BATF2: variants seen among roughly 807,000 people sequenced by gnomAD.
The protein encoded by BATF2 is basic leucine zipper transcriptional factor ATF-like 2.
Under a neutral mutation model 7.3 loss-of-function variants are expected in BATF2, and 4 were observed. The ratio of observed to expected loss-of-function variants is 0.55; its 90% CI spans 0.27 to 1.26. The LOEUF (loss-of-function observed/expected upper bound fraction) is 1.26, where lower values mean the gene tolerates loss of function less well. Among genes scored for constraint, BATF2 ranks in the 50% most tolerant of loss-of-function variants. The pLI is 0.11. For synonymous variants in BATF2, 152 were observed against 153.9 expected (o/e 0.99, Z 0.09); for missense variants, 295 against 340.5 (o/e 0.87, Z 1.05).
At chr11:64,993,014 G>T (rs1477575420) in intron 2 of BATF2, among the ~76,000 whole-genome samples, 1 of 151,614 alleles carries the variant, frequency 6.6e-6, no homozygotes, top group African/African-American at 2.4e-5. Context: ...TAAAGAATAT[G>T]AAGAAATAAA....
chr11:64,993,958 GCTAA>G (rs1306503695), intron 2 of BATF2, among the ~76,000 whole-genome samples: 1 of 152,106 alleles, frequency 6.6e-6, no homozygotes, highest in African/African-American at 2.4e-5. Flanking sequence ...ATCACGCCCA[GCTAA>G]CTATTTTTTA....
rs142322447 is a variant in BATF2 at position 64,988,710 on chromosome 11, C to G, written c.*419G>C. On this transcript the variant is annotated 3_prime_UTR_variant, in exon 3 of 3. Coordinates refer to ENST00000301887, the MANE Select transcript of BATF2 (RefSeq NM_138456.4). Reference sequence around the variant, plus strand: ...TCACGAAGCAGTGGGGAGAGCCCTTCTCTGCTCTGAGCATGCAAACCTTCT... The same window carrying G: ...TCACGAAGCAGTGGGGAGAGCCCTTGTCTGCTCTGAGCATGCAAACCTTCT... 5.1e-4 allele frequency: 112 copies of G among 218,940 alleles called. No homozygotes were observed. Among genetic ancestry groups the G allele is most frequent in the African/African-American group, 2.5e-3 (108 of 43,152 alleles). The allele number at this position is 218,940 out of a possible 1,614,324, so 13.6% of individuals were successfully genotyped here. A position where few individuals can be genotyped will look rare whatever the true frequency, so the allele number is the denominator to read the frequency against.
chr11:64,989,548 G>T lies in BATF2; in HGVS notation c.406C>A (p.Leu136Ile), dbSNP rs1405285571. 6.3e-7 allele frequency: 1 copy of T among 1,588,924 alleles called. No homozygotes were observed. Among genetic ancestry groups the T allele is most frequent in the Non-Finnish European group, 8.6e-7 (1 of 1,168,024 alleles). Reference sequence around the variant, plus strand: ...TCATGAGGCTGTGGACCTGGAGAGAGCGGCTGAGCTGGGTAACAGGAACCC... The same window carrying T: ...TCATGAGGCTGTGGACCTGGAGAGATCGGCTGAGCTGGGTAACAGGAACCC... Reference protein sequence around the residue: ...TPGSCYPAQPLSPGPQPHDSP... With the variant: ...TPGSCYPAQPISPGPQPHDSP... Residue 136 changes from leucine (L) to isoleucine (I), a missense_variant, in exon 3 of 3, where the codon CTC becomes ATC. Leu to Ile is a conservative substitution (Grantham distance 5, BLOSUM62 2). Coordinates refer to ENST00000301887, the MANE Select transcript of BATF2 (RefSeq NM_138456.4). This position sits in a 1 kb window ranked among gnomAD's most constrained non-coding sequence, Gnocchi z 4.3.
intron 1 of BATF2, among the ~76,000 whole-genome samples, chr11:64,996,355 C>T (rs986690145): frequency 1.3e-5 from 2 of 152,206 alleles, no homozygotes; most frequent in African/African-American, 4.8e-5. Flanking sequence ...CTCCCGGGTT[C>T]AAGCAACTTT....
rs1471798415 is a variant in BATF2, at chr11:64,991,878, A to G, written c.142-2066T>C. ...CGTGGGTCTCCTAGGCACCATTCTGAGTACCAGTCCTCACTCTCACCTGGT... is the reference window on the plus strand; with the variant it reads ...CGTGGGTCTCCTAGGCACCATTCTGGGTACCAGTCCTCACTCTCACCTGGT... On this transcript the variant is annotated intron_variant, in intron 2 of 2. Coordinates refer to ENST00000301887, the MANE Select transcript of BATF2 (RefSeq NM_138456.4). Among the ~76,000 whole-genome samples the G allele has an allele frequency of 2.6e-5, 4 of 152,204 alleles. No homozygotes were observed. The East Asian group carries it at 7.7e-4, about 29-fold the overall frequency.
At chr11:64,991,959 C>A (rs750823817) in intron 2 of BATF2, among the ~76,000 whole-genome samples, 3 of 152,296 alleles carry the variant, frequency 2.0e-5, no homozygotes, top group Admixed American at 6.5e-5. Context: ...GTCCGCAATG[C>A]GTTTTCTTAC....
In BATF2 at chr11:64,989,710, G is replaced by A. The variant is rs139375059; in HGVS notation, c.244C>T (p.Arg82Cys). 198 of 1,613,836 alleles carry A rather than the reference G, an allele frequency of 1.2e-4. No individual in the cohort carries two copies. The highest frequency in any genetic ancestry group is 5.6e-4 in the South Asian group (51 of 91,092). ...WWSRTLHVHE[R>C]LCPMDCASCS... Reference sequence around the variant, plus strand: ...GAGGCACAATCCATGGGGCACAGGCGCTCATGCACGTGCAGGGTCCGGCTC... The same window carrying A: ...GAGGCACAATCCATGGGGCACAGGCACTCATGCACGTGCAGGGTCCGGCTC... Residue 82 changes from arginine to cysteine, a missense_variant, in exon 3 of 3, where the codon CGC (arginine) becomes TGC (cysteine). Arg to Cys is a radical substitution (Grantham distance 180, BLOSUM62 -3). Coordinates refer to ENST00000301887, the MANE Select transcript of BATF2 (RefSeq NM_138456.4). This position sits in a 1 kb window ranked among gnomAD's most constrained non-coding sequence, Gnocchi z 4.3.
chr11:64,996,105 G>A (rs1307612998), intron 1 of BATF2, among the ~76,000 whole-genome samples: 1 of 151,940 alleles, frequency 6.6e-6, no homozygotes, highest in East Asian at 1.9e-4. Context: ...TTACAGGCAT[G>A]TGCCTCCACC....
intron 2 of BATF2, chr11:64,990,033 T>G (rs1368447661): frequency 6.5e-7 from 1 of 1,537,034 alleles, no homozygotes; most frequent in African/African-American, 1.4e-5. Flanking sequence ...CCGCCTGCTG[T>G]CATCCCACCA....
intron 1 of BATF2, among the ~76,000 whole-genome samples, chr11:64,994,872 G>T (rs1436421849): frequency 6.6e-6 from 1 of 152,012 alleles, no homozygotes; most frequent in Admixed American, 6.6e-5. Context: ...TTGAGACAGA[G>T]TCTCACTCTG....
At chr11:64,991,434 C>T (rs1172619201) in intron 2 of BATF2, among the ~76,000 whole-genome samples, 9 of 152,184 alleles carry the variant, frequency 5.9e-5, no homozygotes, top group Non-Finnish European at 1.0e-4. Context: ...GGATTGCAGG[C>T]GTGAGCCAAT....
At chr11:64,994,257 C>T (rs900161311) in intron 2 of BATF2, among the ~76,000 whole-genome samples, 191 bp downstream of exon 2, 1 of 152,184 alleles carries the variant, frequency 6.6e-6, no homozygotes, top group Non-Finnish European at 1.5e-5. Context: ...GTGTACCTGG[C>T]ACATGGTTTG....
At chr11:64,991,181 G>C (rs1371069946) in intron 2 of BATF2, among the ~76,000 whole-genome samples, 1 of 132,284 alleles carries the variant, frequency 7.6e-6, no homozygotes, top group African/African-American at 2.9e-5. Context: ...TTTTGAGACA[G>C]AGTTTTGCTC....
rs1413101075 is a variant in BATF2 at position 64,988,123 on chromosome 11, AC to A, written c.*1005del. 2.0e-5 allele frequency: 3 copies of A among 151,584 alleles called. No homozygotes were observed. The highest frequency in any genetic ancestry group is 7.3e-5 in the African/African-American group (3 of 41,178). The allele number at this position is 151,584 out of a possible 1,614,324, so 9.4% of individuals were successfully genotyped here. A position where few individuals can be genotyped will look rare whatever the true frequency, so the allele number is the denominator to read the frequency against. On this transcript the variant is annotated 3_prime_UTR_variant, in exon 3 of 3. Coordinates refer to ENST00000301887, the MANE Select transcript of BATF2 (RefSeq NM_138456.4). ...GCTTGTCCTGGAATCAGAGTGTAAA[AC>A]CCCCTCTTGAAGCAGACACCAAAAC...
In BATF2 at chr11:64,989,327, G is replaced by A. The variant is rs143335032; in HGVS notation, c.627C>T (p.Leu209=). ...LTAQTAPPQP[L]ELEHPTRGKL... ...TCCCTCTGGTGGGATGCTCCAGCTC[G>A]AGGGGCTGTGGAGGGGCAGTTTGGG... Residue 209 remains leucine (L), a synonymous_variant, in exon 3 of 3, where the codon CTC becomes CTT. Transcript: ENST00000301887. This position sits in a 1 kb window ranked among gnomAD's most constrained non-coding sequence, Gnocchi z 4.3. 1.2e-4 allele frequency: 193 copies of A among 1,576,188 alleles called. No individual in the cohort carries two copies. The East Asian group carries it at 3.0e-3, about 25-fold the overall frequency.
Position 64,989,551 on chromosome 11 carries a change from G to T in BATF2, c.403C>A (p.Pro135Thr). The T allele has an allele frequency of 6.3e-7, 1 of 1,587,960 alleles. No individual in the cohort carries two copies. Among genetic ancestry groups the T allele is most frequent in the Non-Finnish European group, 8.6e-7 (1 of 1,167,554 alleles). The change falls in exon 3 of 3, where the codon CCG becomes ACG. Residue 135 changes from proline (P) to threonine (T), a missense_variant. Coordinates refer to ENST00000301887, the MANE Select transcript of BATF2 (RefSeq NM_138456.4). The surrounding 1 kb of genome is among the most constrained non-coding windows in gnomAD (Gnocchi z 4.3). Reference sequence around the variant, plus strand: ...TGAGGCTGTGGACCTGGAGAGAGCGGCTGAGCTGGGTAACAGGAACCCGGG... The same window carrying T: ...TGAGGCTGTGGACCTGGAGAGAGCGTCTGAGCTGGGTAACAGGAACCCGGG... Reference protein sequence around the residue: ...QTPGSCYPAQPLSPGPQPHDS... With the variant: ...QTPGSCYPAQTLSPGPQPHDS...
At chr11:64,994,583 C>T in intron 1 of BATF2, 34 bp from the exon 2 acceptor site, 2 of 1,560,552 alleles carry the variant, frequency 1.3e-6, no homozygotes, top group Non-Finnish European at 1.7e-6. Flanking sequence ...TCAGGGGGCC[C>T]AGCCAGGCCT....
At position 64,990,658 on chromosome 11, in the gene BATF2, G is replaced by C; in HGVS notation, c.142-846C>G. Reference sequence around the variant, plus strand: ...GACAGTAATGGTAAAAATGCAGAAAGAATTTTATATCCACATCTCACAGGG... The same window carrying C: ...GACAGTAATGGTAAAAATGCAGAAACAATTTTATATCCACATCTCACAGGG... On this transcript the variant is annotated intron_variant, in intron 2 of 2. Transcript: ENST00000301887. 5 of 981,532 alleles carry C rather than the reference G, an allele frequency of 5.1e-6. No individual in the cohort carries two copies. The South Asian group carries it at 2.2e-4, about 43-fold the overall frequency. 60.8% of individuals were successfully genotyped at this position (981,532 alleles called of 1,614,324 possible).
chr11:64,991,566 C>T (rs917031463), intron 2 of BATF2, among the ~76,000 whole-genome samples: 5 of 152,348 alleles, frequency 3.3e-5, no homozygotes, highest in Admixed American at 1.3e-4. Context: ...TTTATTCATT[C>T]GTTTGCCACC....
Sources: gnomAD v4.1 joint callset for allele counts (sites outside exome capture counted in the v4.1 genomes callset) on GRCh38, gnomAD v4.1.1 for gene constraint, Gnocchi (gnomAD v3.1) non-coding constraint, MANE v1.5 for transcripts, NCBI Gene and HGNC (gene_info 2026-07-23, HGNC 2026-07-21) for gene names.